Variants in CCDC81 observed in about 807,000 individuals in gnomAD.
The protein encoded by CCDC81 is coiled-coil domain-containing protein 81.
Under a neutral mutation model 83.7 loss-of-function variants are expected in CCDC81, and 79 were observed. That is an observed-to-expected ratio of 0.94 (90% CI 0.79 to 1.14). The LOEUF (loss-of-function observed/expected upper bound fraction) is 1.14, where lower values mean the gene tolerates loss of function less well. CCDC81 is among the 50% of genes most tolerant of loss of function. The probability of loss-of-function intolerance (pLI) is 0.00; values close to 1 mark genes in which losing one functional copy is unlikely to be tolerated. For synonymous variants in CCDC81, 252 were observed against 278.1 expected, an observed-to-expected ratio of 0.91 and a Z score of 0.93; for missense variants, 791 against 778.1, an observed-to-expected ratio of 1.02 and a Z score of -0.20.
chr11:86,374,901 A>T lies in CCDC81; in HGVS notation c.-263A>T, dbSNP rs963481395. Reference sequence around the variant, plus strand: ...TGCACACTCTCACTCGGTGCCGGACATCAGTTCCTGCGGCTCTTGCTGTGG... The same window carrying T: ...TGCACACTCTCACTCGGTGCCGGACTTCAGTTCCTGCGGCTCTTGCTGTGG... On this transcript the variant is annotated 5_prime_UTR_variant, in exon 1 of 15. Coordinates refer to ENST00000445632, the MANE Select transcript of CCDC81 (RefSeq NM_001156474.2). 3 of 440,692 alleles carry T rather than the reference A, an allele frequency of 6.8e-6. No homozygotes were observed. The highest frequency in any genetic ancestry group is 1.3e-5 in the Non-Finnish European group (3 of 235,668). The allele number at this position is 440,692 out of a possible 1,614,324, so 27.3% of individuals were successfully genotyped here.
chr11:86,397,501 G>A, intron 5 of CCDC81, 120 bp from the exon 6 acceptor site: 1 of 1,235,262 alleles, frequency 8.1e-7, no homozygotes, highest in Non-Finnish European at 1.1e-6. Context: ...CTCACCCCTT[G>A]AAGAAAGTGG....
chr11:86,385,141 A>C (rs1359605079), intron 1 of CCDC81, among the ~76,000 whole-genome samples: 1 of 152,222 alleles, frequency 6.6e-6, no homozygotes, highest in African/African-American at 2.4e-5. Context: ...TAATCCCAGC[A>C]CTTTGGGAGG....
At chr11:86,419,383 C>T (rs2138545460) in intron 13 of CCDC81, 1 of 152,332 alleles carries the variant, frequency 6.6e-6, no homozygotes, top group Non-Finnish European at 1.5e-5. Flanking sequence ...GATGACATGG[C>T]CTTCACCAAA....
chr11:86,403,136 G>A (rs944851867), intron 7 of CCDC81, among the ~76,000 whole-genome samples: 1 of 149,230 alleles, frequency 6.7e-6, no homozygotes, highest in African/African-American at 2.5e-5. Flanking sequence ...TTACAGGCAT[G>A]AGCCACCACA....
At chr11:86,422,190 G>A (rs1224592023) in intron 14 of CCDC81, among the ~76,000 whole-genome samples, 4 of 152,136 alleles carry the variant, frequency 2.6e-5, no homozygotes. Flanking sequence ...TGGTTGATCT[G>A]CCTCTCAAAT....
chr11:86,407,095 G>A (rs1045741968), intron 7 of CCDC81, among the ~76,000 whole-genome samples: 2 of 152,072 alleles, frequency 1.3e-5, no homozygotes, highest in Non-Finnish European at 2.9e-5. Context: ...GAACTTCCCT[G>A]GCCATTCTCT....
At position 86,375,178 on chromosome 11, in the gene CCDC81, C is replaced by A. The variant is rs1948082947; in HGVS notation, c.15C>A (p.Ile5=). 1.2e-6 allele frequency: 2 copies of A among 1,613,532 alleles called. No homozygotes were observed. The highest frequency in any genetic ancestry group is 4.5e-5 in the East Asian group (2 of 44,858). ...GGAAATTGGAGATGTTGGATACGAT[C>A]GCCCGTGCCCTGCAGGACCTGGGCA... MLDT[I]ARALQDLGRQ... Residue 5 remains isoleucine, a synonymous_variant, in exon 1 of 15, where the codon ATC becomes ATA. Transcript: ENST00000445632.
chr11:86,396,615 C>T (rs1948411562), intron 5 of CCDC81, among the ~76,000 whole-genome samples: 2 of 152,132 alleles, frequency 1.3e-5, no homozygotes, highest in Non-Finnish European at 2.9e-5. Flanking sequence ...ATGACACATA[C>T]CTCAGAAGAT....
intron 4 of CCDC81, among the ~76,000 whole-genome samples, chr11:86,394,317 A>G (rs1948374098): frequency 6.6e-6 from 1 of 152,226 alleles, no homozygotes; most frequent in Non-Finnish European, 1.5e-5. Context: ...ATACTCTATG[A>G]AAAAAGGGTT....
At chr11:86,392,472 T>C in intron 3 of CCDC81, 69 bp from the exon 4 acceptor site, 3 of 1,470,064 alleles carry the variant, frequency 2.0e-6, no homozygotes, top group Admixed American at 4.7e-5. Context: ...TATTTGTGAG[T>C]GTGTATGATA....
intron 9 of CCDC81, 23 bp from the exon 10 acceptor site, chr11:86,409,238 C>CTTT: frequency 1.4e-5 from 13 of 937,840 alleles, no homozygotes; most frequent in Non-Finnish European, 1.8e-5. Flanking sequence ...TAAAAATAAA[C>CTTT]TTTTTTTTTT....
chr11:86,410,057 G>T (rs1308180924), intron 10 of CCDC81, among the ~76,000 whole-genome samples: 2 of 152,168 alleles, frequency 1.3e-5, no homozygotes, highest in South Asian at 2.1e-4. Context: ...CCCTGAATGG[G>T]CATCTATGGT....
chr11:86,413,132 G>A (rs772601764), intron 11 of CCDC81, among the ~76,000 whole-genome samples: 12 of 152,070 alleles, frequency 7.9e-5, no homozygotes, highest in Admixed American at 1.3e-4. Flanking sequence ...GCTGCTGTGC[G>A]GCCCGGGTTC....
At position 86,414,772 on chromosome 11, in the gene CCDC81, T is replaced by C. The variant is rs748756708; in HGVS notation, c.1392-17T>C. The C allele has an allele frequency of 1.9e-6, 3 of 1,585,630 alleles. No individual in the cohort carries two copies. Among genetic ancestry groups the C allele is most frequent in the African/African-American group, 1.4e-5 (1 of 73,404 alleles). ...CTGCAAAACTGTGGTCCATCTTCTC[T>C]TGTTCTTAACTGCCAGACTTGCTGC... On this transcript the variant is annotated splice_polypyrimidine_tract_variant and intron_variant, in intron 11 of 14. Transcript: ENST00000445632.
intron 6 of CCDC81, 141 bp downstream of exon 6, chr11:86,397,883 G>A (rs542815434): frequency 9.4e-6 from 9 of 957,698 alleles, no homozygotes; most frequent in South Asian, 4.5e-5. Flanking sequence ...ATGGAGTCTC[G>A]CTGTTGCCCA....
At chr11:86,385,778 A>G (rs973241978) in intron 1 of CCDC81, among the ~76,000 whole-genome samples, 1 of 152,210 alleles carries the variant, frequency 6.6e-6, no homozygotes, top group Non-Finnish European at 1.5e-5. Flanking sequence ...AAAGGGTGTG[A>G]CAGAGTTCCC....
chr11:86,393,925 A>G (rs549759298), intron 4 of CCDC81, among the ~76,000 whole-genome samples: 1 of 152,290 alleles, frequency 6.6e-6, no homozygotes, highest in Admixed American at 6.5e-5. Context: ...AAGGCTATTA[A>G]TATCATCTCA....
chr11:86,401,952 C>T (rs773967176), intron 7 of CCDC81, among the ~76,000 whole-genome samples: 2 of 151,656 alleles, frequency 1.3e-5, no homozygotes, highest in African/African-American at 2.4e-5. Flanking sequence ...CTGGCTAACA[C>T]GGTGAAACTC....
chr11:86,421,512 G>A (rs1005706190), intron 14 of CCDC81, among the ~76,000 whole-genome samples: 11 of 152,112 alleles, frequency 7.2e-5, no homozygotes, highest in African/African-American at 1.4e-4. Flanking sequence ...GGGTTTCACC[G>A]TGTTAGCCAG....
Sources: gnomAD v4.1 joint callset for allele counts (sites outside exome capture counted in the v4.1 genomes callset) on GRCh38, gnomAD v4.1.1 for gene constraint, MANE v1.5 for transcripts, NCBI Gene and HGNC (gene_info 2026-07-23, HGNC 2026-07-21) for gene names.